The following SSH2 variants were observed in gnomAD, a reference collection of about 807,000 sequenced individuals.
SSH2 encodes slingshot protein phosphatase 2, also known as protein phosphatase Slingshot homolog 2.
A neutral mutation model predicts 135.2 loss-of-function variants in SSH2; 37 were observed. The ratio of observed to expected loss-of-function variants is 0.27; its 90% CI spans 0.21 to 0.36. SSH2 has a LOEUF of 0.36. Ranked by LOEUF, SSH2 falls within the 10% of genes least tolerant of loss-of-function variation. The probability of loss-of-function intolerance (pLI) is 1.00; values close to 1 mark genes in which losing one functional copy is unlikely to be tolerated. For synonymous variants in SSH2, 628 were observed against 646.2 expected (o/e 0.97, Z 0.43); for missense variants, 1,408 against 1,765.3 (o/e 0.80, Z 3.63).
chr17:29,695,847 G>C (rs773587678), intron 4 of SSH2, among the ~76,000 whole-genome samples: 2 of 152,092 alleles, frequency 1.3e-5, no homozygotes, highest in Non-Finnish European at 2.9e-5. Flanking sequence ...GGCAGAGGTA[G>C]CACCCACTGG....
At chr17:29,849,018 G>A (rs1057279858) in intron 1 of SSH2, 89 bp from the exon 2 acceptor site, 23 of 802,862 alleles carry the variant, frequency 2.9e-5, no homozygotes, top group African/African-American at 6.8e-5. Context: ...CTGAGTCAGT[G>A]GTGTTAGCTC....
intron 1 of SSH2, among the ~76,000 whole-genome samples, chr17:29,927,890 T>C (rs2067095863): frequency 6.6e-6 from 1 of 152,188 alleles, no homozygotes; most frequent in Admixed American, 6.5e-5. Flanking sequence ...CTGAGCTTAT[T>C]ACATGATCAA....
At chr17:29,758,482 ACAG>A (rs2041198486) in intron 3 of SSH2, among the ~76,000 whole-genome samples, 1 of 152,238 alleles carries the variant, frequency 6.6e-6, no homozygotes, top group Non-Finnish European at 1.5e-5. Context: ...TGGTCAATAA[ACAG>A]CAGCTATTAG....
chr17:29,783,386 C>T (rs994855993), intron 3 of SSH2, among the ~76,000 whole-genome samples: 15 of 150,142 alleles, frequency 1.0e-4, no homozygotes, highest in Non-Finnish European at 2.1e-4. Context: ...CAAGGTCCCA[C>T]AATAGGCTAT....
At chr17:29,765,825 G>T (rs575323165) in intron 3 of SSH2, among the ~76,000 whole-genome samples, 1 of 152,122 alleles carries the variant, frequency 6.6e-6, no homozygotes, top group South Asian at 2.1e-4. Context: ...TTCAAGACCA[G>T]CCTGGCCAAC....
At chr17:29,879,043 C>T (rs2066087948) in intron 1 of SSH2, among the ~76,000 whole-genome samples, 1 of 152,182 alleles carries the variant, frequency 6.6e-6, no homozygotes, top group Non-Finnish European at 1.5e-5. Flanking sequence ...TTTCCCCTCA[C>T]ATCTCATGTC....
At position 29,631,717 on chromosome 17, in the gene SSH2, C is replaced by T. The variant is rs1598666155; in HGVS notation, c.3477G>A (p.Leu1159=). Residue 1159 remains leucine (L), a synonymous_variant, in exon 16 of 16, where the codon CTG becomes CTA. Coordinates refer to ENST00000540801, the MANE Select transcript of SSH2 (RefSeq NM_001282129.2). ...CCAGGTGAACCATAGTCTGGGGATG[C>T]AGGTAATCCAAACTGGCAGACAGTA... ...THLLSASLDY[L]HPQTMVHLEG... The T allele has an allele frequency of 1.2e-6, 2 of 1,614,168 alleles. No individual in the cohort carries two copies. The highest frequency in any genetic ancestry group is 2.2e-5 in the East Asian group (1 of 44,880).
intron 6 of SSH2, among the ~76,000 whole-genome samples, chr17:29,683,163 T>C (rs1345299704): frequency 6.6e-6 from 1 of 152,194 alleles, no homozygotes; most frequent in Non-Finnish European, 1.5e-5. Flanking sequence ...CATAGTTCCA[T>C]TCTAATCCTG....
intron 6 of SSH2, among the ~76,000 whole-genome samples, chr17:29,679,033 C>CTAA (rs2037852168): frequency 6.6e-6 from 1 of 152,050 alleles, no homozygotes; most frequent in Non-Finnish European, 1.5e-5. Context: ...CTATTTCAAT[C>CTAA]TCACATTAGC....
At position 29,643,411 on chromosome 17, in the gene SSH2, C is replaced by T. The variant is rs569190115; in HGVS notation, c.1427+4733G>A. 2.9e-5 allele frequency: 8 copies of T among 271,372 alleles called. No individual in the cohort carries two copies. In the East Asian group the frequency reaches 8.6e-4, roughly 29 times the overall value. 16.8% of individuals were successfully genotyped at this position (271,372 alleles called of 1,614,324 possible). On this transcript the variant is annotated intron_variant, in intron 14 of 15. Transcript: ENST00000540801. ...TAGATCCAGAGGATAAATGTGAATA[C>T]GCTTTTTTTTTTTTTTTTGACACGG...
intron 1 of SSH2, among the ~76,000 whole-genome samples, chr17:29,901,956 A>T (rs991479155): frequency 2.0e-5 from 3 of 149,086 alleles, no homozygotes; most frequent in African/African-American, 7.4e-5. Flanking sequence ...CTAATTTTTA[A>T]TTTTTTTTTT....
chr17:29,720,366 T>G (rs1276385796), intron 3 of SSH2, among the ~76,000 whole-genome samples: 1 of 152,244 alleles, frequency 6.6e-6, no homozygotes, highest in Non-Finnish European at 1.5e-5. Flanking sequence ...TCAATTTTCC[T>G]TACCAAACCA....
chr17:29,711,546 G>A (rs2039430651), intron 3 of SSH2, among the ~76,000 whole-genome samples: 1 of 152,186 alleles, frequency 6.6e-6, no homozygotes, highest in Admixed American at 6.5e-5. Context: ...AGCTTTTACA[G>A]ATGGGGCACA....
At chr17:29,749,509 T>C (rs537944700) in intron 3 of SSH2, among the ~76,000 whole-genome samples, 161 of 152,176 alleles carry the variant, frequency 1.1e-3, no homozygotes, top group Non-Finnish European at 2.0e-3. Flanking sequence ...TATCTACGCA[T>C]AGAAAAGGCA....
At chr17:29,858,679 G>A (rs1468632425) in intron 1 of SSH2, among the ~76,000 whole-genome samples, 1 of 152,098 alleles carries the variant, frequency 6.6e-6, no homozygotes, top group Non-Finnish European at 1.5e-5. Context: ...AGGAGATCGA[G>A]ACCAGCCTGA....
chr17:29,688,324 GTTTAT>G (rs2038316260), intron 5 of SSH2, among the ~76,000 whole-genome samples: 1 of 152,018 alleles, frequency 6.6e-6, no homozygotes, highest in Admixed American at 6.6e-5. Flanking sequence ...TCTCTTTAAA[GTTTAT>G]TTTATAATAT....
At chr17:29,646,764 C>CT (rs1210724274) in intron 14 of SSH2, among the ~76,000 whole-genome samples, 1 of 151,726 alleles carries the variant, frequency 6.6e-6, no homozygotes, top group Non-Finnish European at 1.5e-5. Context: ...TCCCAAGGTG[C>CT]TGGGATTATA....
At chr17:29,856,071 G>T in intron 1 of SSH2, 2 of 343,360 alleles carry the variant, frequency 5.8e-6, no homozygotes, top group South Asian at 4.9e-5. Context: ...AGTTATCCAG[G>T]AGCATGGGTC....
At position 29,684,673 on chromosome 17, in the gene SSH2, C is replaced by T. The variant is rs1420093079; in HGVS notation, c.369G>A (p.Leu123=). The change falls in exon 6 of 16, where the codon CTG becomes CTA. Residue 123 remains leucine (L), a synonymous_variant. Transcript: ENST00000540801. The part of the protein sequence containing the change: ...PEDNIRLAVR[L]ESTYQNRTRY... ...GTGTTCGATTCTGGTAAGTACTTTC[C>T]AGTCTTACAGCCTGGAATTTAGCAG... is the stretch of plus-strand genomic sequence containing the variant. 2 of 1,609,262 alleles carry T rather than the reference C, an allele frequency of 1.2e-6. No individual in the cohort carries two copies. The highest frequency in any genetic ancestry group is 4.5e-5 in the East Asian group (2 of 44,810).
Sources: allele counts gnomAD v4.1 joint callset (sites outside exome capture counted in the v4.1 genomes callset), GRCh38; gene constraint gnomAD v4.1.1; transcripts MANE v1.5; gene names NCBI Gene and HGNC (gene_info 2026-07-23, HGNC 2026-07-21).